Variants in PPARGC1A observed in about 807,000 individuals in gnomAD.
PPARGC1A encodes PPARG coactivator 1 alpha.
Under a neutral mutation model 88.7 loss-of-function variants are expected in PPARGC1A, and 25 were observed. That is an observed-to-expected ratio of 0.28 (90% CI 0.21 to 0.39). PPARGC1A has a LOEUF of 0.39. Ranked by LOEUF, PPARGC1A falls within the 10% of genes least tolerant of loss-of-function variation. The pLI is 1.00. For missense variants in PPARGC1A, 880 were observed against 968.7 expected (o/e 0.91, Z 1.22); for synonymous variants, 363 against 355.6 (o/e 1.02, Z -0.24).
intron 2 of PPARGC1A, among the ~76,000 whole-genome samples, chr4:23,849,742 G>T (rs1308775317): frequency 6.6e-6 from 1 of 151,858 alleles, no homozygotes; most frequent in Non-Finnish European, 1.5e-5. Flanking sequence ...CTCTTTGAAG[G>T]TCATAGTCTT....
the PPARGC1A span, among the ~76,000 whole-genome samples, chr4:24,253,078 T>C: frequency 1.3e-5 from 2 of 152,188 alleles, no homozygotes; most frequent in African/African-American, 4.8e-5. Context: ...TTTATCTTTT[T>C]TAAAAAGTCT....
chr4:24,211,185 A>G, the PPARGC1A span, among the ~76,000 whole-genome samples: 1 of 151,894 alleles, frequency 6.6e-6, no homozygotes, highest in South Asian at 2.1e-4. Flanking sequence ...CATTCCTTAA[A>G]CTCGTGACTA....
rs534577854 is a variant in PPARGC1A, at chr4:23,838,193, T to A, written c.235-6442A>T. 9.2e-5 allele frequency among the ~76,000 whole-genome samples: 14 copies of A among 152,288 alleles called. No homozygotes were observed. The South Asian group carries it at 2.9e-3, about 32-fold the overall frequency. On this transcript the variant is annotated intron_variant, in intron 2 of 12. Transcript: ENST00000264867. Reference sequence around the variant, plus strand: ...TTTTGAATACCCACATTCAAACAATTGATTTTTTTTCCCTCTTCGTTATCT... The same window carrying A: ...TTTTGAATACCCACATTCAAACAATAGATTTTTTTTCCCTCTTCGTTATCT...
the PPARGC1A span, among the ~76,000 whole-genome samples, chr4:23,948,505 A>G: frequency 1.3e-5 from 2 of 152,148 alleles, no homozygotes; most frequent in African/African-American, 2.4e-5. Flanking sequence ...GAGGCTCAGC[A>G]ACATGTTTCT....
the PPARGC1A span, among the ~76,000 whole-genome samples, chr4:24,462,107 A>G: frequency 2.4e-4 from 36 of 152,104 alleles, no homozygotes; most frequent in African/African-American, 8.4e-4. Flanking sequence ...TGTTTTTGAG[A>G]TGGAGTCTCG....
chr4:24,037,284 AG>A, the PPARGC1A span, among the ~76,000 whole-genome samples: 1 of 152,246 alleles, frequency 6.6e-6, no homozygotes, highest in Admixed American at 6.5e-5. Context: ...CTGAGATATT[AG>A]AAAAAGTTAG....
chr4:24,157,065 G>A, the PPARGC1A span, among the ~76,000 whole-genome samples: 1 of 152,148 alleles, frequency 6.6e-6, no homozygotes, highest in Non-Finnish European at 1.5e-5. Flanking sequence ...TTGTGGTTAA[G>A]GACCCACATG....
chr4:24,372,084 A>G, the PPARGC1A span, among the ~76,000 whole-genome samples: 6 of 152,304 alleles, frequency 3.9e-5, no homozygotes, highest in East Asian at 1.2e-3. Context: ...TGGGAGAAGC[A>G]TATGTGTTTC....
At chr4:24,291,257 A>ACT in the PPARGC1A span, among the ~76,000 whole-genome samples, 53 of 150,422 alleles carry the variant, frequency 3.5e-4, no homozygotes, top group Admixed American at 4.6e-4. Flanking sequence ...CCCATTTAAC[A>ACT]CTCTCTCTCT....
chr4:24,130,013 G>C, the PPARGC1A span, among the ~76,000 whole-genome samples: 2 of 152,078 alleles, frequency 1.3e-5, no homozygotes, highest in East Asian at 3.9e-4. Flanking sequence ...TGGGGGGACC[G>C]GGGAGGGACA....
the PPARGC1A span, among the ~76,000 whole-genome samples, chr4:24,097,212 T>C: frequency 5.3e-5 from 8 of 152,188 alleles, no homozygotes; most frequent in Non-Finnish European, 1.2e-4. Context: ...TGGTAAAAGA[T>C]GGTACTTTAC....
chr4:24,278,538 C>G, the PPARGC1A span, among the ~76,000 whole-genome samples: 251 of 152,220 alleles, frequency 1.6e-3, no homozygotes, highest in Middle Eastern at 3.4e-3. Flanking sequence ...AAAAAACAGA[C>G]AGTGGACAAA....
At chr4:24,377,649 C>T in the PPARGC1A span, among the ~76,000 whole-genome samples, 2 of 152,250 alleles carry the variant, frequency 1.3e-5, no homozygotes, top group African/African-American at 4.8e-5. Context: ...AAAAGTGTTA[C>T]TGTCATTACA....
chr4:23,894,043 C>T (rs1325925376), upstream of PPARGC1A, among the ~76,000 whole-genome samples: 1 of 152,006 alleles, frequency 6.6e-6, no homozygotes, highest in Non-Finnish European at 1.5e-5. Flanking sequence ...GCATGCAAAT[C>T]GCTGAAAGCC....
chr4:24,456,083 C>T, the PPARGC1A span, among the ~76,000 whole-genome samples: 2 of 152,154 alleles, frequency 1.3e-5, no homozygotes, highest in African/African-American at 4.8e-5. Flanking sequence ...ATTAGCTGGG[C>T]CTTTCATGCC....
chr4:24,399,987 T>C, the PPARGC1A span, among the ~76,000 whole-genome samples: 1 of 150,148 alleles, frequency 6.7e-6, no homozygotes, highest in African/African-American at 2.5e-5. Context: ...GGTTTCACCA[T>C]GTTGGCCAGG....
the PPARGC1A span, among the ~76,000 whole-genome samples, chr4:23,934,266 A>G: frequency 3.3e-5 from 5 of 152,318 alleles, 1 homozygote; most frequent in African/African-American, 1.2e-4. Flanking sequence ...AGTCAAAACA[A>G]GGGGACGTCA....
the PPARGC1A span, among the ~76,000 whole-genome samples, chr4:24,224,720 G>A: frequency 6.6e-6 from 1 of 152,164 alleles, no homozygotes; most frequent in Non-Finnish European, 1.5e-5. Flanking sequence ...ATCATAATAA[G>A]CAAATAAAGA....
chr4:24,380,689 A>G, the PPARGC1A span, among the ~76,000 whole-genome samples: 1 of 152,150 alleles, frequency 6.6e-6, no homozygotes, highest in Non-Finnish European at 1.5e-5. Flanking sequence ...AGAAAGAAAA[A>G]AAGTTCCAGA....
Sources: gnomAD v4.1 joint callset for allele counts (sites outside exome capture counted in the v4.1 genomes callset) on GRCh38, gnomAD v4.1.1 for gene constraint, MANE v1.5 for transcripts, NCBI Gene and HGNC (gene_info 2026-07-23, HGNC 2026-07-21) for gene names.